Variants in PTPRD observed in about 807,000 individuals in gnomAD.
PTPRD encodes receptor-type tyrosine-protein phosphatase delta.
Under a neutral mutation model 214.5 loss-of-function variants are expected in PTPRD, and 34 were observed. The ratio of observed to expected loss-of-function variants is 0.16; its 90% CI spans 0.12 to 0.21. The LOEUF is 0.21. PTPRD is among the 10% of genes least tolerant of loss of function. The pLI is 1.00. For synonymous variants in PTPRD, 1,128 were observed against 845.7 expected (o/e 1.33, Z -5.79); for missense variants, 2,545 against 2,398.7 (o/e 1.06, Z -1.27).
intron 9 of PTPRD, among the ~76,000 whole-genome samples, chr9:9,188,441 G>C (rs1406876212): frequency 2.0e-5 from 3 of 152,064 alleles, no homozygotes; most frequent in Non-Finnish European, 2.9e-5. Context: ...ATGCCAAACT[G>C]TTTTCCAAAG....
chr9:10,576,695 A>T (rs950089339), intron 2 of PTPRD, among the ~76,000 whole-genome samples: 20 of 152,228 alleles, frequency 1.3e-4, no homozygotes, highest in African/African-American at 4.6e-4. Context: ...CCAGTGTCAC[A>T]GTAAAATCAA....
At chr9:8,973,682 A>G (rs1467425118) in intron 11 of PTPRD, among the ~76,000 whole-genome samples, 1 of 152,118 alleles carries the variant, frequency 6.6e-6, no homozygotes, top group Non-Finnish European at 1.5e-5. Context: ...ATTCCCACCA[A>G]CAGTGTATAA....
chr9:9,928,933 A>G (rs1366257650), intron 5 of PTPRD, among the ~76,000 whole-genome samples: 1 of 152,176 alleles, frequency 6.6e-6, no homozygotes, highest in Non-Finnish European at 1.5e-5. Context: ...ATATTTGTAA[A>G]AGGCTTTCAC....
chr9:8,437,428 G>A (rs1029908573), intron 34 of PTPRD, among the ~76,000 whole-genome samples: 1 of 152,102 alleles, frequency 6.6e-6, no homozygotes, highest in Non-Finnish European at 1.5e-5. Flanking sequence ...TCACAAACCT[G>A]TAGGTGACTG....
intron 8 of PTPRD, among the ~76,000 whole-genome samples, chr9:9,455,353 T>C (rs1300562517): frequency 6.6e-6 from 1 of 151,534 alleles, no homozygotes; most frequent in Non-Finnish European, 1.5e-5. Flanking sequence ...TATGCACACA[T>C]ACAGTGATAA....
intron 12 of PTPRD, among the ~76,000 whole-genome samples, chr9:8,698,963 T>G (rs2098002432): frequency 6.6e-6 from 1 of 152,122 alleles, no homozygotes; most frequent in Non-Finnish European, 1.5e-5. Flanking sequence ...AGAAGCACTC[T>G]CCAGCCACTG....
intron 11 of PTPRD, among the ~76,000 whole-genome samples, chr9:8,800,543 C>T (rs1001880984): frequency 6.6e-6 from 1 of 152,154 alleles, no homozygotes; most frequent in Non-Finnish European, 1.5e-5. Flanking sequence ...TACACTCCCA[C>T]CAACACTATG....
intron 7 of PTPRD, among the ~76,000 whole-genome samples, chr9:9,644,227 T>G (rs777555605): frequency 6.6e-6 from 1 of 152,158 alleles, no homozygotes; most frequent in Non-Finnish European, 1.5e-5. Flanking sequence ...ACATTTTGCT[T>G]TTCCCTTGTG....
Position 9,869,264 on chromosome 9 carries a change from GA to G in PTPRD, c.-368+69242del, listed in dbSNP as rs1392971195. On this transcript the variant is annotated intron_variant, in intron 5 of 45. Transcript: ENST00000381196. ...CTGACAAAGGAAAGTCTTCTTTATGGAAGTCTTGCTAACAAATGCAGAAGAA... is the reference window on the plus strand; with the variant it reads ...CTGACAAAGGAAAGTCTTCTTTATGGAGTCTTGCTAACAAATGCAGAAGAA... 3.9e-5 allele frequency among the ~76,000 whole-genome samples: 6 copies of G among 152,242 alleles called. No homozygotes were observed. In the East Asian group the frequency reaches 1.2e-3, roughly 29 times the overall value.
At chr9:8,488,876 G>A (rs924994529) in intron 27 of PTPRD, among the ~76,000 whole-genome samples, 3 of 152,014 alleles carry the variant, frequency 2.0e-5, no homozygotes, top group South Asian at 2.1e-4. Flanking sequence ...GAAACGAGTG[G>A]GTGGAAACAC....
intron 22 of PTPRD, among the ~76,000 whole-genome samples, chr9:8,506,435 T>C (rs2097544152): frequency 6.6e-6 from 1 of 152,208 alleles, no homozygotes; most frequent in African/African-American, 2.4e-5. Context: ...TTAATATCGA[T>C]TTCTATCATG....
intron 2 of PTPRD, among the ~76,000 whole-genome samples, chr9:10,592,836 C>T (rs183469984): frequency 1.3e-5 from 2 of 152,038 alleles, no homozygotes; most frequent in African/African-American, 4.8e-5. Context: ...GGAACACTGA[C>T]AGGACAGAAA....
intron 2 of PTPRD, among the ~76,000 whole-genome samples, chr9:10,447,162 G>C (rs1384836221): frequency 6.7e-6 from 1 of 150,358 alleles, no homozygotes; most frequent in Non-Finnish European, 1.5e-5. Context: ...CTCCTTTCTA[G>C]ATCTCCTGAT....
At chr9:10,293,677 A>G (rs1407998411) in intron 3 of PTPRD, among the ~76,000 whole-genome samples, 2 of 151,946 alleles carry the variant, frequency 1.3e-5, no homozygotes, top group African/African-American at 4.8e-5. Flanking sequence ...AGCTTAAATT[A>G]TACATCCATT....
intron 21 of PTPRD, 43 bp downstream of exon 21, chr9:8,517,805 A>C (rs775226083): frequency 6.5e-7 from 1 of 1,531,722 alleles, no homozygotes; most frequent in South Asian, 1.2e-5. Context: ...TCTTTGCACC[A>C]GCCCTTCCCT....
At chr9:8,350,988 C>G (rs1361131905) in intron 39 of PTPRD, among the ~76,000 whole-genome samples, 2 of 152,176 alleles carry the variant, frequency 1.3e-5, no homozygotes, top group South Asian at 2.1e-4. Flanking sequence ...GGAGGTCTAT[C>G]TACACATATG....
At chr9:8,853,959 T>C (rs752634361) in intron 11 of PTPRD, among the ~76,000 whole-genome samples, 2 of 152,150 alleles carry the variant, frequency 1.3e-5, no homozygotes, top group African/African-American at 2.4e-5. Context: ...TTAAATCACA[T>C]GTAACTATTA....
chr9:10,011,399 G>C (rs914488128), intron 4 of PTPRD, among the ~76,000 whole-genome samples: 4 of 151,806 alleles, frequency 2.6e-5, no homozygotes, highest in African/African-American at 7.3e-5. Flanking sequence ...TAGCAATTTG[G>C]AACTTAAAAT....
At chr9:8,672,158 T>C (rs758523034) in intron 12 of PTPRD, among the ~76,000 whole-genome samples, 4 of 152,224 alleles carry the variant, frequency 2.6e-5, no homozygotes, top group Non-Finnish European at 5.9e-5. Context: ...CTAACACTAA[T>C]AAAACCTTTG....
Sources: allele counts gnomAD v4.1 joint callset (sites outside exome capture counted in the v4.1 genomes callset), GRCh38; gene constraint gnomAD v4.1.1; transcripts MANE v1.5; gene names NCBI Gene and HGNC (gene_info 2026-07-23, HGNC 2026-07-21).